TMEM135: variants seen among roughly 807,000 people sequenced by gnomAD.
TMEM135 encodes transmembrane protein 135.
In TMEM135, 30 loss-of-function variants were observed where a neutral mutation model predicts 60.3. The ratio of observed to expected loss-of-function variants is 0.50; its 90% CI spans 0.37 to 0.68. The LOEUF (loss-of-function observed/expected upper bound fraction) is 0.68, where lower values mean the gene tolerates loss of function less well. Among genes scored for constraint, TMEM135 ranks in the 30% least tolerant of loss-of-function variants. The pLI is 0.00. For missense variants in TMEM135, 468 were observed against 548.8 expected, an observed-to-expected ratio of 0.85 and a Z score of 1.47; for synonymous variants, 190 against 186.7, an observed-to-expected ratio of 1.02 and a Z score of -0.14.
At chr11:87,125,766 C>G (rs1399590121) in intron 4 of TMEM135, among the ~76,000 whole-genome samples, 1 of 152,096 alleles carries the variant, frequency 6.6e-6, no homozygotes, top group Non-Finnish European at 1.5e-5. Flanking sequence ...AGGGGATGGA[C>G]AGCAGTTTTA....
intron 7 of TMEM135, among the ~76,000 whole-genome samples, chr11:87,299,954 T>G (rs912552801): frequency 1.3e-5 from 2 of 152,220 alleles, no homozygotes; most frequent in Admixed American, 1.3e-4. Context: ...CGAGTGGGAA[T>G]GAGAGAGTGG....
chr11:87,242,014 A>G (rs1230334387), intron 6 of TMEM135, among the ~76,000 whole-genome samples: 2 of 114,242 alleles, frequency 1.8e-5, no homozygotes, highest in Admixed American at 2.0e-4. Flanking sequence ...CCCCCACCCC[A>G]CAACAGTCCC....
chr11:87,064,401 A>G (rs1856606401), intron 1 of TMEM135, among the ~76,000 whole-genome samples: 2 of 152,150 alleles, frequency 1.3e-5, no homozygotes, highest in African/African-American at 4.8e-5. Flanking sequence ...TTCATCTTGC[A>G]AAGTAGTAGT....
intron 3 of TMEM135, among the ~76,000 whole-genome samples, chr11:87,079,865 G>A (rs1315709431): frequency 7.3e-6 from 1 of 136,304 alleles, no homozygotes. Context: ...TTTTTGAGAC[G>A]GAGCCTCACT....
rs78207946 is a variant in TMEM135 at position 87,126,388 on chromosome 11, A to C, written c.397-30953A>C. Among the ~76,000 whole-genome samples, 987 of 152,094 alleles carry C rather than the reference A, an allele frequency of 6.5e-3. 5 individuals carry two copies. The highest frequency in any genetic ancestry group is 0.012 in the Non-Finnish European group (815 of 67,984). ...TATTAAAATTACTTCACTTTTATCA[A>C]ATATTTTATAATTTCATTAAACATT... On this transcript the variant is annotated intron_variant, in intron 4 of 14. Transcript: ENST00000305494.
intron 6 of TMEM135, among the ~76,000 whole-genome samples, chr11:87,295,020 T>A (rs1031004236): frequency 1.1e-4 from 17 of 152,284 alleles, no homozygotes. Context: ...AGCCCCCAAA[T>A]TCTGGAATTC....
At chr11:87,058,707 C>G (rs1298365182) in intron 1 of TMEM135, among the ~76,000 whole-genome samples, 1 of 152,108 alleles carries the variant, frequency 6.6e-6, no homozygotes, top group South Asian at 2.1e-4. Flanking sequence ...GCAAGCCCCA[C>G]CTCCTGGGTT....
chr11:87,272,346 G>A (rs185417765), intron 6 of TMEM135, among the ~76,000 whole-genome samples: 3 of 152,050 alleles, frequency 2.0e-5, no homozygotes, highest in East Asian at 1.9e-4. Context: ...TGGAGCCACC[G>A]CACCTAGCCA....
At position 87,073,947 on chromosome 11, in the gene TMEM135, C is replaced by T. The variant is rs547793843; in HGVS notation, c.362+2332C>T. The stretch of plus-strand genomic sequence containing the variant: ...CCTTCCAAAGTGCTGGGATTACCTG[C>T]GTGAGCCACTGCGCCCAGGCTTATT... On this transcript the variant is annotated intron_variant, in intron 3 of 14. Transcript: ENST00000305494. 3.9e-5 allele frequency among the ~76,000 whole-genome samples: 6 copies of T among 152,164 alleles called. No homozygotes were observed. In the South Asian group the frequency reaches 1.2e-3, roughly 32 times the overall value.
intron 5 of TMEM135, among the ~76,000 whole-genome samples, chr11:87,194,676 G>T (rs533416): frequency 0.13 from 20,001 of 152,112 alleles, 1,372 homozygotes; most frequent in Non-Finnish European, 0.15. Flanking sequence ...TATTGAACAA[G>T]ATTCCTGTTG....
At chr11:87,276,369 G>A (rs958146750) in intron 6 of TMEM135, among the ~76,000 whole-genome samples, 1 of 152,080 alleles carries the variant, frequency 6.6e-6, no homozygotes, top group Admixed American at 6.6e-5. Context: ...ACCAAAACTG[G>A]CCAATTTTTA....
chr11:87,221,679 T>A (rs1052710769), intron 5 of TMEM135, among the ~76,000 whole-genome samples: 1 of 152,162 alleles, frequency 6.6e-6, no homozygotes, highest in African/African-American at 2.4e-5. Flanking sequence ...GTCTATAAAT[T>A]TCTTTCTTCT....
chr11:87,062,302 C>T (rs894398155), intron 1 of TMEM135, among the ~76,000 whole-genome samples: 1 of 149,496 alleles, frequency 6.7e-6, no homozygotes, highest in Non-Finnish European at 1.5e-5. Flanking sequence ...CTGCATCTAG[C>T]CCCTTTTTCT....
rs192014586 is a variant in TMEM135, at chr11:87,313,419, A to G, written c.937-6A>G. 5.6e-5 allele frequency: 90 copies of G among 1,608,734 alleles called. No homozygotes were observed. The African/African-American group carries it at 1.1e-3, about 20-fold the overall frequency. ...ACTGAAGTCATTGTATTTTCTCCTT[A>G]ACTAGGGTACTAGTTGCTTCCTGCG... On this transcript the variant is annotated splice_region_variant and splice_polypyrimidine_tract_variant and intron_variant, in intron 10 of 14. Transcript: ENST00000305494.
chr11:87,079,038 CTGT>C, intron 3 of TMEM135, among the ~76,000 whole-genome samples: 1 of 152,026 alleles, frequency 6.6e-6, no homozygotes, highest in Admixed American at 6.6e-5. Context: ...GAGTCTTGCT[CTGT>C]CTCACACTCA....
At chr11:87,281,613 GCGTGTATGGTAGACTGT>G (rs1942061517) in intron 6 of TMEM135, among the ~76,000 whole-genome samples, 1 of 152,138 alleles carries the variant, frequency 6.6e-6, no homozygotes, top group Non-Finnish European at 1.5e-5. Flanking sequence ...TATATACTTG[GCGTGTATGGTAGACTGT>G]GTTATTGTTC....
At chr11:87,147,161 A>G (rs1294699800) in intron 4 of TMEM135, among the ~76,000 whole-genome samples, 1 of 152,124 alleles carries the variant, frequency 6.6e-6, no homozygotes, top group African/African-American at 2.4e-5. Flanking sequence ...GTCTCTACTA[A>G]AAAATGCAAA....
intron 4 of TMEM135, among the ~76,000 whole-genome samples, chr11:87,149,897 T>C (rs555887027): frequency 1.3e-5 from 2 of 152,230 alleles, no homozygotes; most frequent in African/African-American, 4.8e-5. Flanking sequence ...TTTCAAAATG[T>C]AATTAAATAT....
intron 4 of TMEM135, among the ~76,000 whole-genome samples, chr11:87,145,859 C>T (rs1458117841): frequency 1.3e-5 from 2 of 152,024 alleles, no homozygotes; most frequent in African/African-American, 4.8e-5. Context: ...GGTTTGCAAC[C>T]ATTTTCTCCC....
Sources: gnomAD v4.1 joint callset for allele counts (sites outside exome capture counted in the v4.1 genomes callset) on GRCh38, gnomAD v4.1.1 for gene constraint, MANE v1.5 for transcripts, NCBI Gene and HGNC (gene_info 2026-07-23, HGNC 2026-07-21) for gene names.